The following NOL4 variants were observed in gnomAD, a reference collection of about 807,000 sequenced individuals.
NOL4 encodes cancer/testis antigen 125.
In NOL4, 17 loss-of-function variants were observed where a neutral mutation model predicts 75.9. The observed-to-expected ratio is 0.22, with a 90% confidence interval of 0.15 to 0.34. The LOEUF (loss-of-function observed/expected upper bound fraction) is 0.34. Among genes scored for constraint, NOL4 ranks in the 10% least tolerant of loss-of-function variants. The pLI is 1.00. For missense variants in NOL4, 614 were observed against 793.5 expected (o/e 0.77, Z 2.72); for synonymous variants, 292 against 289.9 (o/e 1.01, Z -0.07).
At position 33,944,176 on chromosome 18, in the gene NOL4, C is replaced by G. The variant is rs78243434; in HGVS notation, c.1429-998G>C. Among the ~76,000 whole-genome samples the G allele has an allele frequency of 1.9e-3, 284 of 151,906 alleles. 10 individuals are homozygous for G. In the East Asian group the frequency reaches 0.051, roughly 27 times the overall value. On this transcript the variant is annotated intron_variant, in intron 8 of 10. Coordinates refer to ENST00000261592, the MANE Select transcript of NOL4 (RefSeq NM_003787.5). ...ACAGTATATGCCACCTTAGGGTTTT[C>G]AAAGCCTCAAACGAAAATATGTGTG...
intron 5 of NOL4, among the ~76,000 whole-genome samples, chr18:34,042,119 G>A (rs544419575): frequency 6.6e-6 from 1 of 151,982 alleles, no homozygotes; most frequent in South Asian, 2.1e-4. Flanking sequence ...TGATGTTTGG[G>A]CTCAGATATT....
At chr18:34,104,224 G>T (rs566591384) in intron 3 of NOL4, 65 bp from the exon 4 acceptor site, 13 of 951,846 alleles carry the variant, frequency 1.4e-5, no homozygotes, top group Non-Finnish European at 2.0e-5. Flanking sequence ...ATTTTAAAAT[G>T]ATCTATTTCT....
At chr18:33,862,707 T>A (rs376946781) in intron 10 of NOL4, among the ~76,000 whole-genome samples, 33 of 152,176 alleles carry the variant, frequency 2.2e-4, no homozygotes, top group Admixed American at 5.2e-4. Context: ...AATGCAAATC[T>A]AAACCACAAT....
At chr18:34,053,954 T>C (rs564531286) in intron 5 of NOL4, among the ~76,000 whole-genome samples, 7 of 152,094 alleles carry the variant, frequency 4.6e-5, no homozygotes, top group African/African-American at 1.7e-4. Flanking sequence ...TGGATATGGT[T>C]TCATTTTTTT....
intron 1 of NOL4, among the ~76,000 whole-genome samples, chr18:34,136,222 A>G (rs1320107453): frequency 6.6e-6 from 1 of 152,178 alleles, no homozygotes; most frequent in Admixed American, 6.5e-5. Flanking sequence ...AAAACCTCCC[A>G]CAACTAACAT....
intron 2 of NOL4, among the ~76,000 whole-genome samples, chr18:34,107,882 T>A (rs919538973): frequency 1.3e-5 from 2 of 152,040 alleles, no homozygotes; most frequent in African/African-American, 4.8e-5. Flanking sequence ...AAGTAAGTGA[T>A]TACAGCACCT....
At chr18:33,896,246 A>C (rs2065401716) in intron 9 of NOL4, among the ~76,000 whole-genome samples, 1 of 152,146 alleles carries the variant, frequency 6.6e-6, no homozygotes, top group Non-Finnish European at 1.5e-5. Flanking sequence ...TTACAGATTC[A>C]ATGCTATTCC....
At chr18:33,871,318 G>T (rs2063690309) in intron 10 of NOL4, among the ~76,000 whole-genome samples, 1 of 151,896 alleles carries the variant, frequency 6.6e-6, no homozygotes, top group South Asian at 2.1e-4. Flanking sequence ...AAACAAGCTT[G>T]GTTCCTATTT....
intron 2 of NOL4, among the ~76,000 whole-genome samples, chr18:34,119,874 G>A (rs2080054115): frequency 6.6e-6 from 1 of 151,938 alleles, no homozygotes; most frequent in Non-Finnish European, 1.5e-5. Context: ...CACCCGCCTC[G>A]GCCTCCCAAA....
At chr18:34,045,129 T>C (rs1600378937) in intron 5 of NOL4, among the ~76,000 whole-genome samples, 1 of 152,070 alleles carries the variant, frequency 6.6e-6, no homozygotes, top group Non-Finnish European at 1.5e-5. Flanking sequence ...ACCAGGCTGG[T>C]CTTGAACTCC....
intron 1 of NOL4, among the ~76,000 whole-genome samples, chr18:34,168,394 AC>A (rs1358535491): frequency 6.6e-6 from 1 of 151,716 alleles, no homozygotes; most frequent in African/African-American, 2.4e-5. Context: ...AAGAAATTTT[AC>A]CATTCACAGA....
intron 1 of NOL4, among the ~76,000 whole-genome samples, chr18:34,201,203 GA>G (rs943437681): frequency 5.9e-5 from 9 of 151,774 alleles, no homozygotes; most frequent in African/African-American, 2.2e-4. Flanking sequence ...TTCTTACTTG[GA>G]AATTACTTCT....
intron 5 of NOL4, among the ~76,000 whole-genome samples, chr18:34,049,511 T>G (rs1482270471): frequency 6.6e-6 from 1 of 151,982 alleles, no homozygotes; most frequent in African/African-American, 2.4e-5. Flanking sequence ...TTCAAATGAG[T>G]ACATCCTTTT....
intron 9 of NOL4, among the ~76,000 whole-genome samples, chr18:33,898,947 C>G (rs2065585481): frequency 6.6e-6 from 1 of 152,136 alleles, no homozygotes; most frequent in Admixed American, 6.6e-5. Flanking sequence ...ATTATTAACT[C>G]AATTTTGCCT....
intron 4 of NOL4, among the ~76,000 whole-genome samples, chr18:34,102,423 C>T (rs1280103371): frequency 1.3e-5 from 2 of 151,964 alleles, no homozygotes; most frequent in Non-Finnish European, 2.9e-5. Flanking sequence ...TACTTAACCT[C>T]TTTTTCATCT....
chr18:34,162,590 T>A (rs888792585), intron 1 of NOL4, among the ~76,000 whole-genome samples: 3 of 152,196 alleles, frequency 2.0e-5, no homozygotes, highest in African/African-American at 7.2e-5. Context: ...ATTGTGGCAA[T>A]AATCAATAGC....
At chr18:33,968,721 T>C (rs910704158) in intron 6 of NOL4, among the ~76,000 whole-genome samples, 3 of 152,144 alleles carry the variant, frequency 2.0e-5, no homozygotes, top group African/African-American at 7.2e-5. Flanking sequence ...CCCCAAACTT[T>C]AGCATCATGC....
intron 6 of NOL4, among the ~76,000 whole-genome samples, chr18:33,983,953 A>T (rs1476249537): frequency 6.6e-6 from 1 of 152,160 alleles, no homozygotes; most frequent in Admixed American, 6.6e-5. Flanking sequence ...TTTACAAAGT[A>T]ATGTATTAAA....
chr18:33,860,454 G>A (rs897717906), intron 10 of NOL4, among the ~76,000 whole-genome samples: 1 of 152,144 alleles, frequency 6.6e-6, no homozygotes, highest in Non-Finnish European at 1.5e-5. Context: ...GCAAGTTAGT[G>A]ATTGTTACTT....
Sources: allele counts gnomAD v4.1 joint callset (sites outside exome capture counted in the v4.1 genomes callset), GRCh38; gene constraint gnomAD v4.1.1; transcripts MANE v1.5; gene names NCBI Gene and HGNC (gene_info 2026-07-23, HGNC 2026-07-21).